The following ATP2B2 variants were observed in gnomAD, a reference collection of about 807,000 sequenced individuals.
ATP2B2 encodes the protein plasma membrane calcium-transporting ATPase 2.
Under a neutral mutation model 120.0 loss-of-function variants are expected in ATP2B2, and 15 were observed. The observed-to-expected ratio is 0.12, with a 90% CI of 0.08 to 0.19. ATP2B2 has a LOEUF of 0.19. Among genes scored for constraint, ATP2B2 ranks in the 10% least tolerant of loss-of-function variants. The pLI is 1.00. For synonymous variants in ATP2B2, 694 were observed against 700.3 expected, an observed-to-expected ratio of 0.99 and a Z score of 0.14; for missense variants, 1,045 against 1,719.8, an observed-to-expected ratio of 0.61 and a Z score of 6.94.
chr3:10,392,363 C>T (rs1303895706), intron 5 of ATP2B2, among the ~76,000 whole-genome samples: 1 of 132,404 alleles, frequency 7.6e-6, no homozygotes, highest in Non-Finnish European at 1.6e-5. Context: ...CTGGGCTGTG[C>T]CCTGTCCTCT....
chr3:10,325,778 G>C lies in ATP2B2; in HGVS notation c.*3036C>G, dbSNP rs904174561. 8 of 152,200 alleles carry C rather than the reference G, an allele frequency of 5.3e-5. No homozygotes were observed. The highest frequency in any genetic ancestry group is 1.9e-4 in the African/African-American group (8 of 41,448). 9.4% of individuals were successfully genotyped at this position (152,200 alleles called of 1,614,324 possible). ...TGATTCTGCAGCGCCAGGAGTCACT[G>C]AACGGGCTCCCTGCCCTTCCCTCAT... On this transcript the variant is annotated 3_prime_UTR_variant, in exon 23 of 23. Transcript: ENST00000360273.
chr3:10,381,210 G>A (rs2061521228), intron 8 of ATP2B2, among the ~76,000 whole-genome samples: 1 of 152,146 alleles, frequency 6.6e-6, no homozygotes, highest in African/African-American at 2.4e-5. Flanking sequence ...GCCCATCCTG[G>A]GCTTTAAAGT....
intron 3 of ATP2B2, among the ~76,000 whole-genome samples, chr3:10,512,505 C>CACAG: frequency 1.6e-5 from 2 of 126,656 alleles, no homozygotes; most frequent in African/African-American, 5.9e-5. Context: ...CACACACACA[C>CACAG]ACACACACAC....
Position 10,546,236 on chromosome 3 carries a change from G to C in ATP2B2, c.-414-12103C>G, listed in dbSNP as rs564915027. ...CTCCCCAACTGCCCCCTGGAGCTGG[G>C]ATTCTGCGCAATAAGACCCCATCTG... On this transcript the variant is annotated intron_variant, in intron 2 of 21. Transcript: ENST00000646379. Among the ~76,000 whole-genome samples, 183 of 152,270 alleles carry C rather than the reference G, an allele frequency of 1.2e-3. 1 individual carries two copies. Among genetic ancestry groups the C allele is most frequent in the African/African-American group, 4.1e-3 (172 of 41,554 alleles).
At chr3:10,495,056 C>T (rs1176443847) in intron 1 of ATP2B2, among the ~76,000 whole-genome samples, 2 of 152,254 alleles carry the variant, frequency 1.3e-5, no homozygotes, top group Non-Finnish European at 2.9e-5. Flanking sequence ...GAGTCACCTG[C>T]TGTCTTGTAG....
intron 1 of ATP2B2, among the ~76,000 whole-genome samples, chr3:10,644,374 G>A (rs1594899): frequency 0.023 from 3,496 of 152,236 alleles, 65 homozygotes; most frequent in South Asian, 0.087. Context: ...AGTTAAACAT[G>A]GAATCATTAT....
rs75997718 is a variant in ATP2B2 at position 10,400,829 on chromosome 3, G to A, written c.781+124C>T. On this transcript the variant is annotated intron_variant, in intron 5 of 22. Coordinates refer to ENST00000360273, the MANE Select transcript of ATP2B2 (RefSeq NM_001001331.4). ...GAAGGGAGTTCTCACTTGGGGCTGA[G>A]CTGGCTGGAGATACCAGAGCCAAGG... 5,052 of 1,460,178 alleles carry A rather than the reference G, an allele frequency of 3.5e-3. 87 individuals are homozygous for A. In the African/African-American group the frequency reaches 0.042, roughly 12 times the overall value. The allele number at this position is 1,460,178 out of a possible 1,614,324, so 90.5% of individuals were successfully genotyped here.
intron 10 of ATP2B2, 25 bp downstream of exon 10, chr3:10,378,227 C>A: frequency 6.2e-7 from 1 of 1,601,224 alleles, no homozygotes; most frequent in South Asian, 1.1e-5. Context: ...AGCCCTGTCC[C>A]CTGCCTCCCA....
At chr3:10,374,543 C>A (rs549285775) in intron 11 of ATP2B2, among the ~76,000 whole-genome samples, 1 of 152,334 alleles carries the variant, frequency 6.6e-6, no homozygotes, top group East Asian at 1.9e-4. Context: ...ACGCCTCCAC[C>A]CTTGCAGGGA....
intron 2 of ATP2B2, among the ~76,000 whole-genome samples, chr3:10,596,050 C>T (rs776123096): frequency 7.2e-5 from 11 of 152,168 alleles, no homozygotes; most frequent in Admixed American, 6.5e-4. Context: ...TGTCACTCAG[C>T]TCTCAGCTCA....
At chr3:10,432,027 C>T (rs1559330544) in intron 2 of ATP2B2, among the ~76,000 whole-genome samples, 1 of 152,170 alleles carries the variant, frequency 6.6e-6, no homozygotes, top group Non-Finnish European at 1.5e-5. Context: ...ATGACAGGTC[C>T]TAGAGGCTCT....
At chr3:10,334,987 C>A (rs2060078683) in intron 22 of ATP2B2, among the ~76,000 whole-genome samples, 1 of 152,176 alleles carries the variant, frequency 6.6e-6, no homozygotes, top group South Asian at 2.1e-4. Context: ...AAGCGCCTGA[C>A]TGGAAACATA....
intron 22 of ATP2B2, chr3:10,332,366 A>G (rs1300864315): frequency 5.9e-6 from 2 of 337,376 alleles, no homozygotes; most frequent in Non-Finnish European, 1.1e-5. Flanking sequence ...AAAGAGCAGG[A>G]CTTCCACTGA....
At position 10,338,265 on chromosome 3, in the gene ATP2B2, C is replaced by T. The variant is rs772535893; in HGVS notation, c.3331G>A (p.Glu1111Lys). 6 of 1,614,132 alleles carry T rather than the reference C, an allele frequency of 3.7e-6. No homozygotes were observed. Among genetic ancestry groups the T allele is most frequent in the Admixed American group, 3.3e-5 (2 of 60,024 alleles). The change falls in exon 22 of 23, where the codon GAG becomes AAG. Residue 1111 changes from glutamate (E) to lysine (K), a missense_variant. Physicochemically the swap from Glu to Lys is moderately conservative, Grantham distance 56. Coordinates refer to ENST00000360273, the MANE Select transcript of ATP2B2 (RefSeq NM_001001331.4). ...KEEIPEEELN[E>K]DVEEIDHAER... ...GCGTGGTCGATCTCCTCCACGTCCT[C>T]GTTGAGCTCCTCCTCCGGGATCTCC...
At chr3:10,434,027 T>C (rs530056616) in intron 2 of ATP2B2, among the ~76,000 whole-genome samples, 2 of 151,790 alleles carry the variant, frequency 1.3e-5, no homozygotes, top group African/African-American at 4.8e-5. Flanking sequence ...TTCTTTAAAG[T>C]GTAAAAAAAA....
intron 2 of ATP2B2, among the ~76,000 whole-genome samples, chr3:10,584,083 T>C (rs1425190246): frequency 2.6e-5 from 4 of 151,852 alleles, no homozygotes; most frequent in Non-Finnish European, 5.9e-5. Context: ...ATGGTGGTTA[T>C]TAAGCCAAAG....
chr3:10,452,352 G>A (rs80039341), intron 1 of ATP2B2, among the ~76,000 whole-genome samples: 2 of 152,164 alleles, frequency 1.3e-5, no homozygotes, highest in Non-Finnish European at 2.9e-5. Flanking sequence ...GCCTCAATAC[G>A]GCTCCCTCCC....
chr3:10,438,742 T>C (rs897486285), intron 2 of ATP2B2, among the ~76,000 whole-genome samples: 2 of 152,270 alleles, frequency 1.3e-5, no homozygotes, highest in South Asian at 4.2e-4. Context: ...AGGCAGAGGA[T>C]CTCTCCAGCT....
intron 2 of ATP2B2, among the ~76,000 whole-genome samples, chr3:10,549,352 C>G (rs990740709): frequency 2.0e-5 from 3 of 152,228 alleles, no homozygotes; most frequent in African/African-American, 7.2e-5. Flanking sequence ...TTTGTCACAT[C>G]TGTCTCAGCA....
Sources: allele counts gnomAD v4.1 joint callset (sites outside exome capture counted in the v4.1 genomes callset), GRCh38; gene constraint gnomAD v4.1.1; transcripts MANE v1.5; gene names NCBI Gene and HGNC (gene_info 2026-07-23, HGNC 2026-07-21).